LDB2: variants seen among roughly 807,000 people sequenced by gnomAD.
The protein encoded by LDB2 is LIM domain binding 2.
LDB2 carries 12 observed loss-of-function variants against 44.3 expected under a neutral mutation model. The observed-to-expected ratio is 0.27, with a 90% CI of 0.17 to 0.44. The LOEUF is 0.44. Among genes scored for constraint, LDB2 ranks in the 20% least tolerant of loss-of-function variants. The pLI, the probability that LDB2 is intolerant of heterozygous loss-of-function variation, is 1.00. For missense variants in LDB2, 344 were observed against 473.5 expected, an observed-to-expected ratio of 0.73 and a Z score of 2.54; for synonymous variants, 164 against 174.8, an observed-to-expected ratio of 0.94 and a Z score of 0.49.
intron 5 of LDB2, among the ~76,000 whole-genome samples, chr4:16,541,292 T>C (rs1220362806): frequency 6.7e-6 from 1 of 148,754 alleles, no homozygotes; most frequent in East Asian, 1.9e-4. Flanking sequence ...CTGGTTGTTG[T>C]AAAGTGTAAA....
intron 1 of LDB2, among the ~76,000 whole-genome samples, chr4:16,863,641 C>G (rs1241124510): frequency 6.7e-6 from 1 of 149,752 alleles, no homozygotes; most frequent in Non-Finnish European, 1.5e-5. Flanking sequence ...ACCTCCTCCA[C>G]CAGACTCACA....
intron 2 of LDB2, among the ~76,000 whole-genome samples, chr4:16,615,034 C>T (rs1282886311): frequency 7.6e-6 from 1 of 132,150 alleles, no homozygotes; most frequent in Non-Finnish European, 1.5e-5. Context: ...CCCGCCACTG[C>T]ACTCCAGCCT....
chr4:16,856,941 T>G (rs1364489752), intron 1 of LDB2, among the ~76,000 whole-genome samples: 1 of 152,344 alleles, frequency 6.6e-6, no homozygotes, highest in East Asian at 1.9e-4. Flanking sequence ...ATATTTGATC[T>G]GGTTTGTGTC....
At chr4:16,609,309 G>C (rs1033946018) in intron 2 of LDB2, among the ~76,000 whole-genome samples, 5 of 144,494 alleles carry the variant, frequency 3.5e-5, no homozygotes, top group Admixed American at 1.4e-4. Context: ...CAGCCTCTCA[G>C]CTGGAATCTG....
intron 1 of LDB2, among the ~76,000 whole-genome samples, chr4:16,863,309 C>G (rs1017580300): frequency 2.0e-5 from 3 of 152,148 alleles, no homozygotes; most frequent in African/African-American, 7.2e-5. Context: ...CCTCTCTTAG[C>G]TAGTGAATAA....
intron 1 of LDB2, among the ~76,000 whole-genome samples, chr4:16,851,362 G>A (rs927959842): frequency 6.6e-6 from 1 of 152,068 alleles, no homozygotes; most frequent in African/African-American, 2.4e-5. Flanking sequence ...AAGGACAATA[G>A]TGTTATGAAA....
chr4:16,632,936 G>A (rs1312695201), intron 2 of LDB2, among the ~76,000 whole-genome samples: 3 of 152,102 alleles, frequency 2.0e-5, no homozygotes, highest in African/African-American at 4.8e-5. Flanking sequence ...CCCATTACTG[G>A]GCATATACCC....
chr4:16,643,267 C>T (rs1057153866), intron 2 of LDB2, among the ~76,000 whole-genome samples: 2 of 152,126 alleles, frequency 1.3e-5, no homozygotes, highest in African/African-American at 4.8e-5. Flanking sequence ...CATGACATAC[C>T]TACGTTCAAA....
intron 1 of LDB2, among the ~76,000 whole-genome samples, chr4:16,871,349 CTG>C (rs143698979): frequency 0.015 from 2,308 of 152,144 alleles, 56 homozygotes; most frequent in African/African-American, 0.053. Context: ...ATTTTGTTGA[CTG>C]TGTAGATTTA....
At chr4:16,862,937 G>A (rs1055956930) in intron 1 of LDB2, among the ~76,000 whole-genome samples, 4 of 152,170 alleles carry the variant, frequency 2.6e-5, no homozygotes, top group African/African-American at 9.7e-5. Flanking sequence ...AGAGGACGAG[G>A]AAAGGAAAGA....
At chr4:16,868,704 T>C (rs949667405) in intron 1 of LDB2, among the ~76,000 whole-genome samples, 1 of 152,246 alleles carries the variant, frequency 6.6e-6, no homozygotes, top group Non-Finnish European at 1.5e-5. Flanking sequence ...GCACTTGTTA[T>C]TCACATAGGA....
rs547551052 is a variant in LDB2, at chr4:16,798,432, G to A, written c.133-39172C>T. On this transcript the variant is annotated intron_variant, in intron 1 of 7. Coordinates refer to ENST00000304523, the MANE Select transcript of LDB2 (RefSeq NM_001290.5). Reference sequence around the variant, plus strand: ...CAGCAATAGGACCCTGAGAATCCAGGAGAGAGAAGACTTTCCAAGAAATAA... The same window carrying A: ...CAGCAATAGGACCCTGAGAATCCAGAAGAGAGAAGACTTTCCAAGAAATAA... Among the ~76,000 whole-genome samples the A allele has an allele frequency of 3.3e-4, 50 of 152,282 alleles. No homozygotes were observed. The South Asian group carries it at 8.9e-3, about 27-fold the overall frequency.
At chr4:16,691,574 CATT>C (rs1021660378) in intron 2 of LDB2, among the ~76,000 whole-genome samples, 2 of 152,094 alleles carry the variant, frequency 1.3e-5, no homozygotes, top group African/African-American at 4.8e-5. Context: ...GAGCAAACAC[CATT>C]GTTTCGTGCA....
intron 2 of LDB2, among the ~76,000 whole-genome samples, chr4:16,682,696 G>A (rs1748248918): frequency 6.6e-6 from 1 of 152,196 alleles, no homozygotes; most frequent in Non-Finnish European, 1.5e-5. Flanking sequence ...CTCCTGGAGG[G>A]AAAAGACTTA....
At chr4:16,798,057 G>A (rs1316925474) in intron 1 of LDB2, among the ~76,000 whole-genome samples, 1 of 148,862 alleles carries the variant, frequency 6.7e-6, no homozygotes, top group Non-Finnish European at 1.5e-5. Flanking sequence ...AAAAAAAGCT[G>A]TATAATCTTA....
At chr4:16,826,321 A>G (rs772936067) in intron 1 of LDB2, 9 of 152,210 alleles carry the variant, frequency 5.9e-5, no homozygotes, top group Non-Finnish European at 1.2e-4. Flanking sequence ...AGCATCTATA[A>G]CCTTCCAAGT....
At chr4:16,588,443 T>A (rs1206068075) in intron 4 of LDB2, among the ~76,000 whole-genome samples, 1 of 152,228 alleles carries the variant, frequency 6.6e-6, no homozygotes, top group African/African-American at 2.4e-5. Context: ...AAGTACAAAC[T>A]GTTTATTGAA....
chr4:16,666,607 G>A (rs932164727), intron 2 of LDB2, among the ~76,000 whole-genome samples: 1 of 152,232 alleles, frequency 6.6e-6, no homozygotes, highest in African/African-American at 2.4e-5. Context: ...CTGCATGGAT[G>A]TCCATAGAAG....
chr4:16,544,799 C>T (rs1735111810), intron 5 of LDB2, among the ~76,000 whole-genome samples: 1 of 152,002 alleles, frequency 6.6e-6, no homozygotes, highest in African/African-American at 2.4e-5. Context: ...ATTGAAGAGG[C>T]AGTTGGTTGT....
Sources: gnomAD v4.1 joint callset for allele counts (sites outside exome capture counted in the v4.1 genomes callset) on GRCh38, gnomAD v4.1.1 for gene constraint, MANE v1.5 for transcripts, NCBI Gene and HGNC (gene_info 2026-07-23, HGNC 2026-07-21) for gene names.